Variants in KRT33B observed in about 807,000 individuals in gnomAD.
The protein encoded by KRT33B is keratin 33B, also known as keratin, type I cuticular Ha3-II.
In KRT33B, 37 loss-of-function variants were observed where a neutral mutation model predicts 42.7. That is an observed-to-expected ratio of 0.87 (90% CI 0.67 to 1.14). The LOEUF is 1.14. Ranked by LOEUF, KRT33B falls within the 50% of genes most tolerant of loss-of-function variation. The probability of loss-of-function intolerance (pLI) is 0.00; values close to 1 mark genes in which losing one functional copy is unlikely to be tolerated. For missense variants in KRT33B, 523 were observed against 515.1 expected, an observed-to-expected ratio of 1.02 and a Z score of -0.15; for synonymous variants, 237 against 221.2, an observed-to-expected ratio of 1.07 and a Z score of -0.63.
chr17:41,369,517 C>T lies in KRT33B; in HGVS notation c.234G>A (p.Glu78=), dbSNP rs1386042836. 16 of 1,613,840 alleles carry T rather than the reference C, an allele frequency of 9.9e-6. No individual in the cohort carries two copies. Among genetic ancestry groups the T allele is most frequent in the Non-Finnish European group, 1.3e-5 (15 of 1,180,056 alleles). ...ASYLEKVRQL[E]RDNAELENLI... ...GGTTCTCCAGCTCCGCGTTGTCCCG[C>T]TCCAGCTGACGCACCTTCTCCAGGT... The change falls in exon 1 of 7, where the codon GAG becomes GAA. Residue 78 remains glutamate, a synonymous_variant. Transcript: ENST00000251646.
chr17:41,368,534 A>G (rs1163151866), intron 1 of KRT33B, among the ~76,000 whole-genome samples: 2 of 151,158 alleles, frequency 1.3e-5, no homozygotes, highest in African/African-American at 2.5e-5. Context: ...TTCCACATCT[A>G]TCTCCCCTGT....
At chr17:41,367,844 G>A in intron 2 of KRT33B, 64 bp downstream of exon 2, 3 of 1,394,576 alleles carry the variant, frequency 2.2e-6, no homozygotes, top group Non-Finnish European at 3.1e-6. Flanking sequence ...AGGATAGGGA[G>A]CTCATCACTT....
Position 41,365,679 on chromosome 17 carries a change from G to A in KRT33B, c.589-126C>T, listed in dbSNP as rs2017692252. 16 of 1,247,684 alleles carry A rather than the reference G, an allele frequency of 1.3e-5. No individual in the cohort carries two copies. In the Admixed American group the frequency reaches 3.3e-4, roughly 26 times the overall value. The allele number at this position is 1,247,684 out of a possible 1,614,324, so 77.3% of individuals were successfully genotyped here. A position where few individuals can be genotyped will look rare whatever the true frequency, so the allele number is the denominator to read the frequency against. On this transcript the variant is annotated intron_variant, in intron 3 of 6. Transcript: ENST00000251646. ...AGGAAACATGAGTTGAAGCCCAGCT[G>A]TCACCTCTGGAAATTCTGGCCTCTT...
At chr17:41,367,840 G>C (rs1158584398) in intron 2 of KRT33B, 68 bp downstream of exon 2, 5 of 1,371,732 alleles carry the variant, frequency 3.6e-6, no homozygotes, top group Non-Finnish European at 5.2e-6. Flanking sequence ...TTCCAGGATA[G>C]GGAGCTCATC....
chr17:41,367,857 T>A, intron 2 of KRT33B, 51 bp downstream of exon 2: 1 of 1,519,156 alleles, frequency 6.6e-7, no homozygotes, highest in Non-Finnish European at 9.1e-7. Context: ...CATCACTTTG[T>A]AATTCAGCCT....
chr17:41,366,960 T>C (rs1350336814), intron 2 of KRT33B, among the ~76,000 whole-genome samples: 1 of 151,356 alleles, frequency 6.6e-6, no homozygotes, highest in Non-Finnish European at 1.5e-5. Flanking sequence ...CAGGTTGTCC[T>C]GTCATCCTTT....
rs553797257 is a variant in KRT33B at position 41,369,606 on chromosome 17, C to A, written c.145G>T (p.Glu49Ter). The change falls in exon 1 of 7, where the codon GAG becomes TAG. Residue 49 changes from glutamate (E) to a stop codon, truncating the protein, a stop_gained. Coordinates refer to ENST00000251646, the MANE Select transcript of KRT33B (RefSeq NM_002279.5). LOFTEE classifies it high-confidence loss of function. ...TTCTCGCTGCCATTGAAGGAGCCCTCGCAGAACCAGTTGCAGTTGCTCACA... is the reference window on the plus strand; with the variant it reads ...TTCTCGCTGCCATTGAAGGAGCCCTAGCAGAACCAGTTGCAGTTGCTCACA... ...ANVSNCNWFC[E>*]GSFNGSEKET... 1.9e-6 allele frequency: 3 copies of A among 1,613,568 alleles called. No homozygotes were observed. The highest frequency in any genetic ancestry group is 2.5e-6 in the Non-Finnish European group (3 of 1,180,044).
rs750978352 is a variant in KRT33B, at chr17:41,369,681, G to C, written c.70C>G (p.Pro24Ala). ...GGCAGGGTGTAGCCGTGGCAGCTGG[G>C]GGGCACACAGGGCCGGGAGGAGCAG... is the stretch of plus-strand genomic sequence containing the variant. ...TSCSSRPCVP[P>A]SCHGYTLPGA... Residue 24 changes from proline to alanine, a missense_variant, in exon 1 of 7, where the codon CCC becomes GCC. Pro to Ala is a conservative substitution (Grantham distance 27). Coordinates refer to ENST00000251646, the MANE Select transcript of KRT33B (RefSeq NM_002279.5). 25 of 1,613,982 alleles carry C rather than the reference G, an allele frequency of 1.5e-5. 1 individual carries two copies. The South Asian group carries it at 2.6e-4, about 17-fold the overall frequency.
In KRT33B at chr17:41,365,515, G is replaced by A. The variant is rs1252943766; in HGVS notation, c.627C>T (p.Leu209=). 6.2e-7 allele frequency: 1 copy of A among 1,612,406 alleles called. No homozygotes were observed. Among genetic ancestry groups the A allele is most frequent in the Non-Finnish European group, 8.5e-7 (1 of 1,179,900 alleles). The change falls in exon 4 of 7, where the codon CTC becomes CTT. Residue 209 remains leucine (L), a synonymous_variant. Coordinates refer to ENST00000251646, the MANE Select transcript of KRT33B (RefSeq NM_002279.5). ...NTLRCQLGDR[L]NVEVDAAPAV... ...CGGGAGCAGCGTCCACCTCCACGTT[G>A]AGGCGGTCTCCAAGCTGGCAGCGCA...
At chr17:41,367,158 T>C (rs1168976915) in intron 2 of KRT33B, among the ~76,000 whole-genome samples, 1 of 151,454 alleles carries the variant, frequency 6.6e-6, no homozygotes, top group Non-Finnish European at 1.5e-5. Context: ...TGTAAAATTA[T>C]GTTGTAAAAT....
At position 41,365,665 on chromosome 17, in the gene KRT33B, G is replaced by A; in HGVS notation, c.589-112C>T. The A allele has an allele frequency of 4.4e-6, 6 of 1,375,740 alleles. 1 individual carries two copies. The South Asian group carries it at 8.1e-5, about 19-fold the overall frequency. The allele number at this position is 1,375,740 out of a possible 1,614,324, so 85.2% of individuals were successfully genotyped here. On this transcript the variant is annotated intron_variant, in intron 3 of 6. Coordinates refer to ENST00000251646, the MANE Select transcript of KRT33B (RefSeq NM_002279.5). ...TTGCATTGCAGCTTAGGAAACATGA[G>A]TTGAAGCCCAGCTGTCACCTCTGGA...
Position 41,367,982 on chromosome 17 carries a change from G to T in KRT33B, c.357C>A (p.Cys119Ter), listed in dbSNP as rs1457180834. Residue 119 changes from cysteine to a stop codon, truncating the protein, a stop_gained, in exon 2 of 7, where the codon TGC becomes TGA. Coordinates refer to ENST00000251646, the MANE Select transcript of KRT33B (RefSeq NM_002279.5). LOFTEE classifies it high-confidence loss of function. ...CCAGCCTGGCATTCTCAGACTTGCT[G>T]CACAGGATCTGGGGATAGGATTAAT... The part of the protein sequence containing the change: ...TIEELQQKIL[C>*]SKSENARLVV... 1.9e-6 allele frequency: 3 copies of T among 1,612,932 alleles called. No individual in the cohort carries two copies. The highest frequency in any genetic ancestry group is 2.7e-5 in the African/African-American group (2 of 73,872).
In KRT33B at chr17:41,366,522, T is replaced by A; in HGVS notation, c.536A>T (p.Gln179Leu). 1.2e-6 allele frequency: 2 copies of A among 1,612,740 alleles called. No individual in the cohort carries two copies. Among genetic ancestry groups the A allele is most frequent in the Non-Finnish European group, 1.7e-6 (2 of 1,180,026 alleles). ...CAGCTCCTCCTTCAGGGACTCCATC[T>A]GGGCCTCCAGGTCAGACCTGCACAG... is the stretch of plus-strand genomic sequence containing the variant. ...LTLCRSDLEA[Q>L]MESLKEELLS... Residue 179 changes from glutamine to leucine, a missense_variant, in exon 3 of 7, where the codon CAG (glutamine) becomes CTG (leucine). By Grantham distance (113) the Gln-to-Leu change is moderately radical (BLOSUM62 -2). Transcript: ENST00000251646.
intron 1 of KRT33B, among the ~76,000 whole-genome samples, chr17:41,368,756 C>T (rs1306613766): frequency 6.6e-6 from 1 of 151,348 alleles, no homozygotes; most frequent in Non-Finnish European, 1.5e-5. Flanking sequence ...TGGATATAAA[C>T]TCCCACTCAT....
At chr17:41,365,864 T>C (rs541316189) in intron 3 of KRT33B, among the ~76,000 whole-genome samples, 1 of 151,520 alleles carries the variant, frequency 6.6e-6, no homozygotes, top group South Asian at 2.1e-4. Context: ...TACTTAAATA[T>C]AGAGAAACCA....
At chr17:41,369,317 A>T in intron 1 of KRT33B, 86 bp downstream of exon 1, 2 of 1,520,768 alleles carry the variant, frequency 1.3e-6, no homozygotes, top group Non-Finnish European at 1.8e-6. Context: ...CATTACTGTG[A>T]ACAGACTTAG....
chr17:41,364,236 G>A (rs1034599161), intron 6 of KRT33B, among the ~76,000 whole-genome samples: 2 of 151,290 alleles, frequency 1.3e-5, no homozygotes, highest in Non-Finnish European at 2.9e-5. Flanking sequence ...AGGACTGGTA[G>A]TACCAACCAC....
Position 41,363,842 on chromosome 17 carries a change from C to T in KRT33B, c.1209G>A (p.Gly403=). 1 of 1,601,276 alleles carries T rather than the reference C, an allele frequency of 6.2e-7. No individual in the cohort carries two copies. Among genetic ancestry groups the T allele is most frequent in the Non-Finnish European group, 8.5e-7 (1 of 1,171,912 alleles). The change falls in exon 7 of 7, where the codon GGG becomes GGA. Residue 403 remains glycine (G), a synonymous_variant. Coordinates refer to ENST00000251646, the MANE Select transcript of KRT33B (RefSeq NM_002279.5). ...RSRCGPCNTF[G]Y is the part of the protein sequence containing the mutation. ...TCTGCTGGCCCCAGGGTATCTAGTA[C>T]CCAAAGGTGTTGCAAGGCCCACAGC...
chr17:41,367,678 T>C (rs956088952), intron 2 of KRT33B, among the ~76,000 whole-genome samples: 1 of 151,054 alleles, frequency 6.6e-6, no homozygotes, highest in South Asian at 2.1e-4. Flanking sequence ...CACTCCAGCC[T>C]GGATGAGAGA....
Sources: gnomAD v4.1 joint callset for allele counts (sites outside exome capture counted in the v4.1 genomes callset) on GRCh38, gnomAD v4.1.1 for gene constraint, MANE v1.5 for transcripts, NCBI Gene and HGNC (gene_info 2026-07-23, HGNC 2026-07-21) for gene names.